SLC9D1: variants seen among roughly 807,000 people sequenced by gnomAD.
SLC9D1 encodes the protein solute carrier family 9 member D1.
the SLC9D1 span, chr13:113,549,747 A>C: frequency 1.4e-6 from 1 of 729,740 alleles, no homozygotes; most frequent in Non-Finnish European, 2.5e-6. Flanking sequence ...CAGTCTGTTG[A>C]TTATGTGCAG....
At chr13:113,511,173 T>C in the SLC9D1 span, among the ~76,000 whole-genome samples, 1 of 152,270 alleles carries the variant, frequency 6.6e-6, no homozygotes, top group Non-Finnish European at 1.5e-5. Context: ...TGGCTGTTTC[T>C]GACAGCCTGC....
the SLC9D1 span, chr13:113,547,355 C>T: frequency 2.5e-6 from 4 of 1,614,128 alleles, no homozygotes; most frequent in South Asian, 1.1e-5. Flanking sequence ...TGGTGTTCCT[C>T]ACCTTGTCAG....
the SLC9D1 span, among the ~76,000 whole-genome samples, chr13:113,535,542 C>T: frequency 6.6e-6 from 1 of 152,236 alleles, no homozygotes; most frequent in Non-Finnish European, 1.5e-5. The surrounding 1 kb of genome is among the most constrained non-coding windows in gnomAD (Gnocchi z 4.1). Flanking sequence ...TAGCCATAAA[C>T]AGTCCAAAGG....
the SLC9D1 span, among the ~76,000 whole-genome samples, chr13:113,491,824 G>A: frequency 1.2e-4 from 19 of 152,368 alleles, no homozygotes; most frequent in African/African-American, 4.3e-4. Context: ...GGGTGTGGAC[G>A]CCTGCGCGGG....
At chr13:113,525,610 CATA>C in the SLC9D1 span, among the ~76,000 whole-genome samples, 4 of 89,302 alleles carry the variant, frequency 4.5e-5, no homozygotes, top group Non-Finnish European at 9.3e-5. Context: ...CCATCGTCAT[CATA>C]GCAGACGACA....
chr13:113,524,040 T>C, the SLC9D1 span: 1 of 451,554 alleles, frequency 2.2e-6, no homozygotes, highest in Non-Finnish European at 4.5e-6. Context: ...TGATACTGTC[T>C]GTGGTAAATG....
the SLC9D1 span, chr13:113,510,375 A>G: frequency 6.2e-7 from 1 of 1,613,712 alleles, no homozygotes; most frequent in South Asian, 1.1e-5. Flanking sequence ...TGTCAAGCAC[A>G]CCCCTCGTGT....
the SLC9D1 span, among the ~76,000 whole-genome samples, chr13:113,525,882 C>A: frequency 6.6e-6 from 1 of 151,046 alleles, no homozygotes; most frequent in Admixed American, 6.6e-5. Context: ...GACGACAGCT[C>A]TGTGCCGGTT....
chr13:113,547,752 C>T, the SLC9D1 span, among the ~76,000 whole-genome samples: 3 of 152,168 alleles, frequency 2.0e-5, no homozygotes, highest in African/African-American at 7.2e-5. Context: ...TGCCAGTGAT[C>T]GAGCTGCCTG....
the SLC9D1 span, among the ~76,000 whole-genome samples, chr13:113,543,269 T>C: frequency 3.4e-4 from 2 of 5,804 alleles, no homozygotes; most frequent in African/African-American, 3.2e-3. Flanking sequence ...CCACCTCCTC[T>C]CCCTGCCCCC....
chr13:113,526,845 G>A, the SLC9D1 span, among the ~76,000 whole-genome samples: 26,119 of 152,238 alleles, frequency 0.17, 2,627 homozygotes, highest in Admixed American at 0.28. Flanking sequence ...TCCTGCAAGC[G>A]CCCTGTACAG....
At chr13:113,502,342 T>A in the SLC9D1 span, among the ~76,000 whole-genome samples, 1 of 152,102 alleles carries the variant, frequency 6.6e-6, no homozygotes. Flanking sequence ...GCCTCTTGAG[T>A]AGCTGGGATT....
the SLC9D1 span, among the ~76,000 whole-genome samples, chr13:113,523,126 T>A: frequency 2.1e-5 from 3 of 143,370 alleles, no homozygotes; most frequent in East Asian, 6.0e-4. Flanking sequence ...CTCTTTTTTT[T>A]TTTGATACTC....
chr13:113,544,641 G>A, the SLC9D1 span, among the ~76,000 whole-genome samples: 29,472 of 152,262 alleles, frequency 0.19, 3,659 homozygotes, highest in African/African-American at 0.35. Flanking sequence ...CCGTTGTGGG[G>A]GCTGGAAGTC....
At chr13:113,494,978 G>A in the SLC9D1 span, among the ~76,000 whole-genome samples, 1 of 152,164 alleles carries the variant, frequency 6.6e-6, no homozygotes, top group Non-Finnish European at 1.5e-5. Flanking sequence ...CCGCCTCCCG[G>A]GTTCTAGCGA....
chr13:113,548,159 G>A, the SLC9D1 span: 1 of 850,630 alleles, frequency 1.2e-6, no homozygotes, highest in Non-Finnish European at 1.8e-6. Flanking sequence ...GGTGTTTGGA[G>A]TGCTTCTGTG....
chr13:113,522,726 G>A, the SLC9D1 span, among the ~76,000 whole-genome samples: 1 of 152,030 alleles, frequency 6.6e-6, no homozygotes, highest in Non-Finnish European at 1.5e-5. Flanking sequence ...TCCACCTCCT[G>A]GGTTCAAGCA....
At chr13:113,509,776 C>T in the SLC9D1 span, among the ~76,000 whole-genome samples, 1 of 152,124 alleles carries the variant, frequency 6.6e-6, no homozygotes, top group Non-Finnish European at 1.5e-5. Context: ...TGCTTTCTTC[C>T]ACCTTCCCGT....
chr13:113,533,650 C>T, the SLC9D1 span, among the ~76,000 whole-genome samples: 42 of 152,320 alleles, frequency 2.8e-4, no homozygotes, highest in Non-Finnish European at 4.6e-4. Flanking sequence ...CTGACGGTCG[C>T]TGGAGTTCGT....
Sources: gnomAD v4.1 joint callset for allele counts (sites outside exome capture counted in the v4.1 genomes callset) on GRCh38, gnomAD v4.1.1 for gene constraint, Gnocchi (gnomAD v3.1) non-coding constraint, MANE v1.5 for transcripts, NCBI Gene and HGNC (gene_info 2026-07-23, HGNC 2026-07-21) for gene names.